The following NCF2 variants were observed in gnomAD, a reference collection of about 807,000 sequenced individuals.
The protein encoded by NCF2 is neutrophil cytosol factor 2.
Under a neutral mutation model 70.9 loss-of-function variants are expected in NCF2, and 45 were observed. The observed-to-expected ratio is 0.63, with a 90% CI of 0.50 to 0.81. The LOEUF (loss-of-function observed/expected upper bound fraction) is 0.81, where lower values mean the gene tolerates loss of function less well. Ranked by LOEUF, NCF2 falls within the 40% of genes least tolerant of loss-of-function variation. NCF2 has a pLI of 0.00. For synonymous variants in NCF2, 203 were observed against 233.6 expected (o/e 0.87, Z 1.19); for missense variants, 522 against 631.6 (o/e 0.83, Z 1.86).
chr1:183,564,517 T>A (rs942369782), intron 10 of NCF2, among the ~76,000 whole-genome samples: 4 of 152,238 alleles, frequency 2.6e-5, no homozygotes, highest in African/African-American at 9.6e-5. Context: ...AAGAGTAGCA[T>A]GCATAAAGAT....
chr1:183,573,277 C>A lies in NCF2; in HGVS notation c.517G>T (p.Glu173Ter). The A allele has an allele frequency of 6.2e-7, 1 of 1,614,086 alleles. No homozygotes were observed. Among genetic ancestry groups the A allele is most frequent in the Non-Finnish European group, 8.5e-7 (1 of 1,179,946 alleles). Reference sequence around the variant, plus strand: ...TTGCCCACAGGGATCACCACTGGCTCATATAGCTTCTGCTTCTGTAACACA... The same window carrying A: ...TTGCCCACAGGGATCACCACTGGCTAATATAGCTTCTGCTTCTGTAACACA... The part of the protein sequence containing the change: ...MECVWKQKLY[E>*]PVVIPVGKLF... The change falls in exon 5 of 15, where the codon GAG becomes TAG. Residue 173 changes from glutamate (E) to a stop codon, truncating the protein, a stop_gained. Transcript: ENST00000367535. LOFTEE classifies it high-confidence loss of function.
At chr1:183,591,666 A>T (rs1673655573), upstream of NCF2, among the ~76,000 whole-genome samples, 1 of 152,080 alleles carries the variant, frequency 6.6e-6, no homozygotes, top group Non-Finnish European at 1.5e-5. Flanking sequence ...TATTTTTAGT[A>T]GAGATGGGGT....
Position 183,590,417 on chromosome 1 carries a change from G to T in NCF2, c.-88C>A. 9.5e-6 allele frequency: 14 copies of T among 1,478,252 alleles called. No individual in the cohort carries two copies. Among genetic ancestry groups the T allele is most frequent in the African/African-American group, 1.4e-5 (1 of 72,296 alleles). The allele number at this position is 1,478,252 out of a possible 1,614,324, so 91.6% of individuals were successfully genotyped here. A position where few individuals can be genotyped will look rare whatever the true frequency, so the allele number is the denominator to read the frequency against. On this transcript the variant is annotated 5_prime_UTR_variant, in exon 1 of 15. Coordinates refer to ENST00000367535, the MANE Select transcript of NCF2 (RefSeq NM_000433.4). ...CGTCTCCCCTAGCAGGGCTGCCTTA[G>T]TGGCCCCCAAGGTGTTCACTTTCTG...
chr1:183,591,860 A>T (rs1193314260), upstream of NCF2, among the ~76,000 whole-genome samples: 1 of 152,244 alleles, frequency 6.6e-6, no homozygotes, highest in Non-Finnish European at 1.5e-5. Flanking sequence ...ATTGGGAGCC[A>T]CATGACAGTG....
At position 183,564,338 on chromosome 1, in the gene NCF2, G is replaced by A. The variant is rs940599168; in HGVS notation, c.1001-308C>T. On this transcript the variant is annotated intron_variant, in intron 10 of 14. Transcript: ENST00000367535. Reference sequence around the variant, plus strand: ...GATCCCAAAGGTCAATTAAGCCCACGGGATCCAAAGCAATGAAAATCGGAG... The same window carrying A: ...GATCCCAAAGGTCAATTAAGCCCACAGGATCCAAAGCAATGAAAATCGGAG... Among the ~76,000 whole-genome samples the A allele has an allele frequency of 2.0e-5, 3 of 152,006 alleles. No individual in the cohort carries two copies. In the East Asian group the frequency reaches 5.8e-4, roughly 29 times the overall value.
chr1:183,560,002 TG>T lies in NCF2; in HGVS notation c.1468+93del. ...GGGTTGAAAACACTGGCTAAAGTTT[TG>T]TTTGTAGATTATTGATATTTTCTTC... is the stretch of plus-strand genomic sequence containing the variant. On this transcript the variant is annotated intron_variant, in intron 14 of 14. Transcript: ENST00000367535. 2.2e-6 allele frequency: 3 copies of T among 1,392,442 alleles called. No individual in the cohort carries two copies. In the Admixed American group the frequency reaches 5.3e-5, roughly 25 times the overall value. 86.3% of individuals were successfully genotyped at this position (1,392,442 alleles called of 1,614,324 possible).
At chr1:183,571,114 CTTTT>C (rs66625837) in intron 5 of NCF2, among the ~76,000 whole-genome samples, 1 of 106,790 alleles carries the variant, frequency 9.4e-6, no homozygotes. Context: ...ATCAAATTAT[CTTTT>C]TTTTTTTTTT....
intron 2 of NCF2, among the ~76,000 whole-genome samples, chr1:183,586,061 G>A (rs1360884249): frequency 6.6e-6 from 1 of 152,240 alleles, no homozygotes; most frequent in Non-Finnish European, 1.5e-5. Flanking sequence ...CTGGCTGGGC[G>A]TGGTGGCACA....
At chr1:183,584,645 A>G (rs1236604099) in intron 2 of NCF2, among the ~76,000 whole-genome samples, 1 of 152,154 alleles carries the variant, frequency 6.6e-6, no homozygotes, top group Non-Finnish European at 1.5e-5. Context: ...AGAGGTCACT[A>G]AGGAATGACC....
upstream of NCF2, among the ~76,000 whole-genome samples, chr1:183,595,515 C>A (rs1462124297): frequency 1.3e-5 from 2 of 152,174 alleles, no homozygotes; most frequent in Admixed American, 1.3e-4. Context: ...GGGCCCTGTG[C>A]TCAGGGTCTC....
intron 3 of NCF2, among the ~76,000 whole-genome samples, 159 bp from the exon 4 acceptor site, chr1:183,574,780 ATTGAG>A (rs1177253805): frequency 6.6e-6 from 1 of 152,212 alleles, no homozygotes; most frequent in African/African-American, 2.4e-5. Flanking sequence ...TAGTCTTGCT[ATTGAG>A]TTATGTCAAA....
chr1:183,575,354 C>T (rs539261246), intron 3 of NCF2, among the ~76,000 whole-genome samples: 8 of 152,308 alleles, frequency 5.3e-5, no homozygotes, highest in African/African-American at 1.4e-4. Context: ...CCTGTAATCT[C>T]AGCTACTTGG....
chr1:183,585,624 C>CAA lies in NCF2; in HGVS notation c.257+1269_257+1270dup, dbSNP rs750881920. Among the ~76,000 whole-genome samples the CAA allele has an allele frequency of 2.6e-5, 3 of 114,602 alleles. 1 individual carries two copies. Among genetic ancestry groups the CAA allele is most frequent in the Non-Finnish European group, 3.3e-5 (2 of 59,828 alleles). 75.2% of individuals were successfully genotyped at this position (114,602 alleles called of 152,430 possible). Reference sequence around the variant, plus strand: ...TGGGTGACAGGGCGAAACTCCGTCTCAAAAAAAAAAAAAATTCTTCATTAG... The same window carrying CAA: ...TGGGTGACAGGGCGAAACTCCGTCTCAAAAAAAAAAAAAAAATTCTTCATTAG... On this transcript the variant is annotated intron_variant, in intron 2 of 14. Transcript: ENST00000367535.
intron 9 of NCF2, 73 bp from the exon 10 acceptor site, chr1:183,565,852 C>T (rs981084512): frequency 9.7e-6 from 14 of 1,445,922 alleles, no homozygotes; most frequent in African/African-American, 4.2e-5. Context: ...TGGGGAAACA[C>T]CCCTACAGAG....
At chr1:183,575,091 A>G (rs1054436603) in intron 3 of NCF2, among the ~76,000 whole-genome samples, 1 of 152,222 alleles carries the variant, frequency 6.6e-6, no homozygotes, top group African/African-American at 2.4e-5. Flanking sequence ...CTGGACAGGT[A>G]CAGAGCCGGA....
intron 3 of NCF2, 35 bp downstream of exon 3, chr1:183,577,564 C>T (rs750171466): frequency 2.0e-6 from 3 of 1,492,154 alleles, no homozygotes; most frequent in Non-Finnish European, 2.8e-6. Flanking sequence ...CAGCCATGAT[C>T]CCCTCCTGCC....
chr1:183,598,481 A>G, the NCF2 span, among the ~76,000 whole-genome samples: 2 of 152,266 alleles, frequency 1.3e-5, no homozygotes, highest in South Asian at 2.1e-4. Flanking sequence ...TGCACAGATG[A>G]TGGAAGCCAT....
chr1:183,581,815 C>G (rs1361102235), intron 2 of NCF2, among the ~76,000 whole-genome samples: 1 of 152,044 alleles, frequency 6.6e-6, no homozygotes, highest in Non-Finnish European at 1.5e-5. Flanking sequence ...CTACAGGCGT[C>G]CGCCACCGCG....
chr1:183,573,172 C>A lies in NCF2; in HGVS notation c.609+13G>T. ...CACAGGAGACTCAGGGGAAGCTGAG[C>A]AATCCCACCTACCGTCGCCTTGCCT... On this transcript the variant is annotated intron_variant, in intron 5 of 14. Transcript: ENST00000367535. The A allele has an allele frequency of 6.2e-7, 1 of 1,611,008 alleles. No individual in the cohort carries two copies. The highest frequency in any genetic ancestry group is 1.3e-5 in the African/African-American group (1 of 75,002).
Sources: gnomAD v4.1 joint callset for allele counts (sites outside exome capture counted in the v4.1 genomes callset) on GRCh38, gnomAD v4.1.1 for gene constraint, MANE v1.5 for transcripts, NCBI Gene and HGNC (gene_info 2026-07-23, HGNC 2026-07-21) for gene names.